The following ABCA13 variants were observed in gnomAD, a reference collection of about 807,000 sequenced individuals.
ABCA13 encodes the protein ATP binding cassette subfamily A member 13, also known as ATP-binding cassette sub-family A member 13.
ABCA13 carries 476 observed loss-of-function variants against 478.7 expected under a neutral mutation model. The observed-to-expected ratio is 0.99, with a 90% CI of 0.92 to 1.07. The LOEUF (loss-of-function observed/expected upper bound fraction) is 1.07. ABCA13 is among the 50% of genes least tolerant of loss of function. The pLI is 0.00. For missense variants in ABCA13, 6,060 were observed against 5,910.6 expected, an observed-to-expected ratio of 1.03 and a Z score of -0.83; for synonymous variants, 2,252 against 2,158.9, an observed-to-expected ratio of 1.04 and a Z score of -1.20.
chr7:48,273,591 C>G lies in ABCA13; in HGVS notation c.3925C>G (p.Leu1309Val). ...AAATCTAGATTCAATAAATGACTTT[C>G]TTTCAAATAATCTCACAAATTATGG... is the stretch of plus-strand genomic sequence containing the variant. ...VRNLDSINDF[L>V]SNNLTNYGEK... is the part of the protein sequence containing the mutation. Residue 1309 changes from leucine (L) to valine (V), a missense_variant, in exon 17 of 62, where the codon CTT (leucine) becomes GTT (valine). Coordinates refer to ENST00000435803, the MANE Select transcript of ABCA13 (RefSeq NM_152701.5). The G allele has an allele frequency of 6.3e-7, 1 of 1,589,978 alleles. No homozygotes were observed.
intron 45 of ABCA13, among the ~76,000 whole-genome samples, chr7:48,473,053 A>C (rs1433378129): frequency 6.6e-6 from 1 of 152,152 alleles, no homozygotes; most frequent in Non-Finnish European, 1.5e-5. Context: ...ATGAGAACCA[A>C]GGGAAATGGG....
chr7:48,253,784 T>C (rs1056637580), intron 15 of ABCA13, among the ~76,000 whole-genome samples: 2 of 152,238 alleles, frequency 1.3e-5, no homozygotes, highest in African/African-American at 4.8e-5. Context: ...ACACCTGGAA[T>C]GTTTCTTCAT....
rs1479932838 is a variant in ABCA13, at chr7:48,598,939, G to T, written c.14744+4126G>T. Among the ~76,000 whole-genome samples the T allele has an allele frequency of 2.0e-5, 3 of 151,848 alleles. No homozygotes were observed. In the East Asian group the frequency reaches 5.8e-4, roughly 29 times the overall value. ...TTATTTCAGCACTCTTCCTTGAAAA[G>T]ATTATCTTTTATCCCACTGAATTGT... On this transcript the variant is annotated intron_variant, in intron 58 of 61. Transcript: ENST00000435803.
At chr7:48,295,928 T>G in intron 21 of ABCA13, 65 bp downstream of exon 21, 3 of 1,497,310 alleles carry the variant, frequency 2.0e-6, no homozygotes, top group Non-Finnish European at 2.7e-6. Context: ...TGTCTAGGAC[T>G]CTTTAAAATG....
At position 48,283,501 on chromosome 7, in the gene ABCA13, C is replaced by T. The variant is rs539832911; in HGVS notation, c.8836+2049C>T. 2.0e-5 allele frequency among the ~76,000 whole-genome samples: 3 copies of T among 152,192 alleles called. No homozygotes were observed. In the South Asian group the frequency reaches 6.2e-4, roughly 32 times the overall value. The stretch of plus-strand genomic sequence containing the variant: ...AGTGAGGATGTGTGTCTGCCATGCT[C>T]ATGGTTATATCTTCCCAGGGTTTAG... On this transcript the variant is annotated intron_variant, in intron 19 of 61. Transcript: ENST00000435803.
chr7:48,460,489 C>T (rs539081525), intron 43 of ABCA13, among the ~76,000 whole-genome samples: 1 of 152,132 alleles, frequency 6.6e-6, no homozygotes, highest in Non-Finnish European at 1.5e-5. Context: ...TCCTGCATGT[C>T]TCTGTGTCCA....
rs893460109 is a variant in ABCA13 at position 48,528,200 on chromosome 7, A to G, written c.14245-36A>G. 10 of 1,474,362 alleles carry G rather than the reference A, an allele frequency of 6.8e-6. No homozygotes were observed. The East Asian group carries it at 2.5e-4, about 36-fold the overall frequency. 91.3% of individuals were successfully genotyped at this position (1,474,362 alleles called of 1,614,324 possible). A position where few individuals can be genotyped will look rare whatever the true frequency, so the allele number is the denominator to read the frequency against. ...TTGTTCTATTTATTTAGCTTGTTTGATTGAATGTGCTTTACTTAACTTTGT... is the reference window on the plus strand; with the variant it reads ...TTGTTCTATTTATTTAGCTTGTTTGGTTGAATGTGCTTTACTTAACTTTGT... On this transcript the variant is annotated intron_variant, in intron 54 of 61. Coordinates refer to ENST00000435803, the MANE Select transcript of ABCA13 (RefSeq NM_152701.5).
intron 35 of ABCA13, among the ~76,000 whole-genome samples, chr7:48,379,291 G>A (rs1813976522): frequency 6.6e-6 from 1 of 152,110 alleles, no homozygotes; most frequent in African/African-American, 2.4e-5. Context: ...GAATATAATT[G>A]CCAGACACTA....
intron 55 of ABCA13, among the ~76,000 whole-genome samples, chr7:48,575,871 A>G (rs1195059613): frequency 6.6e-6 from 1 of 152,142 alleles, no homozygotes; most frequent in Non-Finnish European, 1.5e-5. Flanking sequence ...CCCCAGTACT[A>G]GAGAGACAGT....
intron 1 of ABCA13, among the ~76,000 whole-genome samples, chr7:48,177,788 A>G (rs1338065982): frequency 6.6e-6 from 1 of 152,192 alleles, no homozygotes; most frequent in African/African-American, 2.4e-5. Flanking sequence ...CTGTTTGGCT[A>G]GATGAGAAGA....
chr7:48,277,536 T>C (rs570938884), intron 17 of ABCA13, among the ~76,000 whole-genome samples: 32 of 152,356 alleles, frequency 2.1e-4, no homozygotes, highest in Non-Finnish European at 4.4e-4. Flanking sequence ...TGGGAGAAGA[T>C]GTACTTATAT....
intron 48 of ABCA13, among the ~76,000 whole-genome samples, chr7:48,504,818 C>T (rs1563363753): frequency 6.6e-6 from 1 of 152,176 alleles, no homozygotes; most frequent in South Asian, 2.1e-4. Flanking sequence ...GGTTGGTTGA[C>T]ATTGGGCTGC....
At chr7:48,407,024 GT>G in intron 39 of ABCA13, among the ~76,000 whole-genome samples, 1 of 152,198 alleles carries the variant, frequency 6.6e-6, no homozygotes, top group South Asian at 2.1e-4. Context: ...TTCTTTGGAA[GT>G]TTATTCATTT....
At chr7:48,428,741 A>G (rs1036126656) in intron 42 of ABCA13, among the ~76,000 whole-genome samples, 1 of 152,190 alleles carries the variant, frequency 6.6e-6, no homozygotes, top group Non-Finnish European at 1.5e-5. Flanking sequence ...TTTAATTTGC[A>G]TTCTCCTAAT....
Position 48,392,066 on chromosome 7 carries a change from G to A in ABCA13, c.11800G>A (p.Glu3934Lys). ...DILLDNLTVR[E>K]HLLLFASIKA... ...CCTGTTGGACAACCTCACCGTCCGG[G>A]AACATTTGCTGCTCTTTGCTTCCAT... Residue 3934 changes from glutamate (E) to lysine (K), a missense_variant, in exon 38 of 62, where the codon GAA (glutamate) becomes AAA (lysine). Transcript: ENST00000435803. 1 of 1,613,942 alleles carries A rather than the reference G, an allele frequency of 6.2e-7. No homozygotes were observed. Among genetic ancestry groups the A allele is most frequent in the Non-Finnish European group, 8.5e-7 (1 of 1,179,862 alleles).
chr7:48,470,003 A>C (rs1042426527), intron 44 of ABCA13, among the ~76,000 whole-genome samples: 1 of 152,118 alleles, frequency 6.6e-6, no homozygotes, highest in Non-Finnish European at 1.5e-5. Context: ...AGTGTGTCCA[A>C]ACCTGAAGGA....
At chr7:48,361,159 C>T (rs769671178) in intron 31 of ABCA13, among the ~76,000 whole-genome samples, 3 of 151,664 alleles carry the variant, frequency 2.0e-5, no homozygotes, top group Non-Finnish European at 2.9e-5. Flanking sequence ...TGACCCCGCT[C>T]TAGTGGAGAC....
At chr7:48,395,621 TC>T (rs986661286) in intron 38 of ABCA13, among the ~76,000 whole-genome samples, 72 of 152,304 alleles carry the variant, frequency 4.7e-4, no homozygotes, top group African/African-American at 1.7e-3. Flanking sequence ...CTCCTCCTCC[TC>T]CTCAGCCTAC....
chr7:48,310,738 G>A (rs1354408112), intron 24 of ABCA13, among the ~76,000 whole-genome samples: 1 of 152,126 alleles, frequency 6.6e-6, no homozygotes, highest in Non-Finnish European at 1.5e-5. Context: ...GGGACTGGAG[G>A]AAGCTAAAGA....
Sources: allele counts gnomAD v4.1 joint callset (sites outside exome capture counted in the v4.1 genomes callset), GRCh38; gene constraint gnomAD v4.1.1; transcripts MANE v1.5; gene names NCBI Gene and HGNC (gene_info 2026-07-23, HGNC 2026-07-21).